The following NTN1 variants were observed in gnomAD, a reference collection of about 807,000 sequenced individuals.
The protein encoded by NTN1 is netrin-1.
NTN1 carries 11 observed loss-of-function variants against 54.2 expected under a neutral mutation model. That is an observed-to-expected ratio of 0.20 (90% CI 0.13 to 0.34). The LOEUF is 0.34. Among genes scored for constraint, NTN1 ranks in the 10% least tolerant of loss-of-function variants. NTN1 has a pLI of 1.00. For missense variants in NTN1, 740 were observed against 893.1 expected (o/e 0.83, Z 2.18); for synonymous variants, 371 against 382.0 (o/e 0.97, Z 0.33).
At chr17:9,090,426 G>A (rs1180101538) in intron 2 of NTN1, among the ~76,000 whole-genome samples, 1 of 151,980 alleles carries the variant, frequency 6.6e-6, no homozygotes, top group Admixed American at 6.6e-5. Context: ...CGCCTGCCTC[G>A]GCCTCCCAGA....
intron 2 of NTN1, among the ~76,000 whole-genome samples, chr17:9,141,043 G>C (rs567163396): frequency 6.6e-6 from 1 of 152,264 alleles, no homozygotes; most frequent in South Asian, 2.1e-4. Context: ...ACTGGATTTG[G>C]GAGGGAATAT....
intron 2 of NTN1, among the ~76,000 whole-genome samples, chr17:9,156,562 C>T (rs189339667): frequency 6.6e-6 from 1 of 152,224 alleles, no homozygotes; most frequent in East Asian, 1.9e-4. Flanking sequence ...AGAGTAAGTT[C>T]GCCAGGGTCT....
At chr17:9,169,868 GAAAAGA>G (rs757490513) in intron 3 of NTN1, among the ~76,000 whole-genome samples, 5 of 152,142 alleles carry the variant, frequency 3.3e-5, no homozygotes, top group Admixed American at 6.6e-5. Context: ...CCGTCTCAAA[GAAAAGA>G]AAAAGAAAAA....
intron 5 of NTN1, chr17:9,183,540 A>AC (rs929574678): frequency 4.0e-4 from 137 of 346,668 alleles, no homozygotes; most frequent in African/African-American, 2.7e-3. Flanking sequence ...TTTACACATC[A>AC]CATTCTAGCT....
chr17:9,120,447 T>C (rs1422585022), intron 2 of NTN1, among the ~76,000 whole-genome samples: 1 of 152,208 alleles, frequency 6.6e-6, no homozygotes, highest in Non-Finnish European at 1.5e-5. Flanking sequence ...TGAGGGAACA[T>C]GGTGACTTCA....
At chr17:9,059,484 C>T (rs2091989423) in intron 2 of NTN1, among the ~76,000 whole-genome samples, 1 of 152,052 alleles carries the variant, frequency 6.6e-6, no homozygotes. Flanking sequence ...ATCACTCAGC[C>T]AGAAAAGGGA....
intron 2 of NTN1, among the ~76,000 whole-genome samples, chr17:9,067,444 A>G (rs1402565090): frequency 6.6e-6 from 1 of 152,186 alleles, no homozygotes; most frequent in African/African-American, 2.4e-5. Flanking sequence ...CTGTTACAAT[A>G]AGATAACAGT....
At chr17:9,036,376 C>A (rs2151511632) in intron 2 of NTN1, among the ~76,000 whole-genome samples, 1 of 134,656 alleles carries the variant, frequency 7.4e-6, no homozygotes, top group African/African-American at 2.7e-5. Context: ...GCCAAGTCGT[C>A]TCTTATCTTT....
chr17:9,232,524 C>G (rs928590884), intron 6 of NTN1, among the ~76,000 whole-genome samples: 3 of 152,246 alleles, frequency 2.0e-5, no homozygotes, highest in Admixed American at 1.3e-4. Flanking sequence ...AGAGGGTCAT[C>G]CTGTTCTGTC....
intron 2 of NTN1, among the ~76,000 whole-genome samples, chr17:9,114,166 A>ATATATATATATATATAT (rs59456522): frequency 6.7e-5 from 5 of 74,616 alleles, no homozygotes; most frequent in South Asian, 4.4e-4. Flanking sequence ...AAAAAAAAAA[A>ATATATATATATATATAT]ATATATATAT....
At chr17:9,017,999 T>G (rs2151504703), upstream of NTN1, among the ~76,000 whole-genome samples, 1 of 152,268 alleles carries the variant, frequency 6.6e-6, no homozygotes, top group Non-Finnish European at 1.5e-5. Flanking sequence ...TTCAAGAATC[T>G]GAAGAGGCAG....
intron 2 of NTN1, among the ~76,000 whole-genome samples, chr17:9,079,705 G>T (rs546998854): frequency 1.4e-4 from 22 of 151,764 alleles, no homozygotes; most frequent in Admixed American, 4.6e-4. Context: ...CTGGGAAGTG[G>T]TTCCTCAGCG....
intron 2 of NTN1, among the ~76,000 whole-genome samples, chr17:9,096,961 G>A (rs1396325871): frequency 1.3e-5 from 2 of 152,166 alleles, no homozygotes; most frequent in Admixed American, 6.5e-5. Context: ...TCAGCAATCA[G>A]TGGAGCTTAC....
the NTN1 span, among the ~76,000 whole-genome samples, chr17:9,015,844 G>T: frequency 1.3e-5 from 2 of 152,136 alleles, no homozygotes; most frequent in African/African-American, 2.4e-5. Flanking sequence ...GCCAAGGCGG[G>T]CGAATCACCT....
At chr17:9,138,464 G>T (rs898675424) in intron 2 of NTN1, among the ~76,000 whole-genome samples, 2 of 152,090 alleles carry the variant, frequency 1.3e-5, no homozygotes, top group Admixed American at 6.5e-5. Context: ...TCGGTGGCTG[G>T]ACCCCAGACG....
intron 2 of NTN1, among the ~76,000 whole-genome samples, chr17:9,057,462 G>A (rs1025590412): frequency 5.3e-5 from 8 of 152,180 alleles, no homozygotes; most frequent in Admixed American, 1.3e-4. Flanking sequence ...GCTCTTCCCC[G>A]GGGTTTGCTT....
intron 2 of NTN1, among the ~76,000 whole-genome samples, chr17:9,103,418 TG>T (rs1199227329): frequency 6.6e-6 from 1 of 152,148 alleles, no homozygotes. Flanking sequence ...AATTGAATCA[TG>T]GGGGAGTTTG....
intron 3 of NTN1, among the ~76,000 whole-genome samples, chr17:9,167,961 C>A (rs1370776668): frequency 6.6e-6 from 1 of 152,170 alleles, no homozygotes; most frequent in Non-Finnish European, 1.5e-5. Context: ...ATCCCACCCC[C>A]AGAAATTCTG....
chr17:9,047,164 T>C (rs74518161), intron 2 of NTN1, among the ~76,000 whole-genome samples: 1,530 of 152,354 alleles, frequency 0.01, 27 homozygotes, highest in African/African-American at 0.032. Flanking sequence ...TGTTGATGGC[T>C]ACTGACTAAT....
Sources: gnomAD v4.1 joint callset for allele counts (sites outside exome capture counted in the v4.1 genomes callset) on GRCh38, gnomAD v4.1.1 for gene constraint, MANE v1.5 for transcripts, NCBI Gene and HGNC (gene_info 2026-07-23, HGNC 2026-07-21) for gene names.